The following GABRB1 variants were observed in gnomAD, a reference collection of about 807,000 sequenced individuals.
GABRB1 encodes gamma-aminobutyric acid receptor subunit beta-1.
A neutral mutation model predicts 51.6 loss-of-function variants in GABRB1; 17 were observed. The ratio of observed to expected loss-of-function variants is 0.33; its 90% CI spans 0.23 to 0.49. The LOEUF is 0.49. GABRB1 is among the 20% of genes least tolerant of loss of function. The pLI, the probability that GABRB1 is intolerant of heterozygous loss-of-function variation, is 0.99. For synonymous variants in GABRB1, 247 were observed against 218.9 expected (o/e 1.13, Z -1.14); for missense variants, 410 against 600.6 (o/e 0.68, Z 3.32).
intron 4 of GABRB1, among the ~76,000 whole-genome samples, chr4:47,234,295 C>T (rs974798874): frequency 1.2e-4 from 18 of 152,108 alleles, no homozygotes; most frequent in African/African-American, 3.4e-4. Flanking sequence ...CGAGACCAGT[C>T]TGACTAACAT....
chr4:47,358,218 A>T (rs576280697), intron 5 of GABRB1, among the ~76,000 whole-genome samples: 5 of 152,208 alleles, frequency 3.3e-5, no homozygotes, highest in African/African-American at 1.2e-4. Context: ...ACGTTTTAGG[A>T]TGTAAATGTC....
At chr4:47,051,769 CG>C (rs1726358120) in intron 3 of GABRB1, among the ~76,000 whole-genome samples, 1 of 152,110 alleles carries the variant, frequency 6.6e-6, no homozygotes, top group South Asian at 2.1e-4. Flanking sequence ...TAATAGTAGA[CG>C]GTAAAGGCTT....
intron 1 of GABRB1, among the ~76,000 whole-genome samples, chr4:47,024,933 C>CATATATATAGATATATATATATATATAT (rs1725040192): frequency 1.2e-5 from 1 of 86,200 alleles, no homozygotes; most frequent in Non-Finnish European, 2.3e-5. Flanking sequence ...AGTATTCCAT[C>CATATATATAGATATATATATATATATAT]ATATATATAT....
chr4:47,360,165 G>A (rs1008579749), intron 5 of GABRB1, among the ~76,000 whole-genome samples: 4 of 151,704 alleles, frequency 2.6e-5, no homozygotes, highest in South Asian at 2.1e-4. Context: ...TCGAGAATCC[G>A]TTTATTATTC....
At chr4:47,301,503 G>A (rs1435658830) in intron 4 of GABRB1, among the ~76,000 whole-genome samples, 1 of 151,834 alleles carries the variant, frequency 6.6e-6, no homozygotes, top group Non-Finnish European at 1.5e-5. Context: ...GCATGGTGGT[G>A]CGTGCCTGTA....
At chr4:47,124,170 A>C (rs1323683239) in intron 3 of GABRB1, among the ~76,000 whole-genome samples, 1 of 151,330 alleles carries the variant, frequency 6.6e-6, no homozygotes, top group Non-Finnish European at 1.5e-5. Context: ...AAAAGTTAAA[A>C]ATTTATGAGA....
chr4:47,394,423 T>C (rs1292158725), intron 5 of GABRB1, among the ~76,000 whole-genome samples: 4 of 152,078 alleles, frequency 2.6e-5, no homozygotes, highest in South Asian at 2.1e-4. Flanking sequence ...AGCAAAACCA[T>C]GTGCAGTCTA....
chr4:47,028,739 T>A (rs1479356217), upstream of GABRB1, among the ~76,000 whole-genome samples: 2 of 150,346 alleles, frequency 1.3e-5, no homozygotes, highest in African/African-American at 4.9e-5. Flanking sequence ...TATATATACA[T>A]ACACACACAA....
At chr4:47,185,523 A>G (rs1044278607) in intron 4 of GABRB1, among the ~76,000 whole-genome samples, 3 of 151,752 alleles carry the variant, frequency 2.0e-5, no homozygotes, top group East Asian at 1.9e-4. Context: ...TTCCTGACAT[A>G]TGATATATAG....
chr4:47,292,063 C>T (rs1274083852), intron 4 of GABRB1, among the ~76,000 whole-genome samples: 5 of 152,162 alleles, frequency 3.3e-5, no homozygotes, highest in African/African-American at 1.2e-4. Context: ...AGCCAAATCT[C>T]ATCTTGAATT....
intron 3 of GABRB1, among the ~76,000 whole-genome samples, chr4:47,048,088 G>A (rs1256203116): frequency 1.3e-5 from 2 of 151,970 alleles, no homozygotes; most frequent in African/African-American, 4.8e-5. Context: ...CTTTCCTGAT[G>A]GAAAATTTTG....
intron 4 of GABRB1, among the ~76,000 whole-genome samples, chr4:47,289,214 C>T (rs1723633360): frequency 6.6e-6 from 1 of 152,124 alleles, no homozygotes; most frequent in African/African-American, 2.4e-5. Context: ...TGAGTGAAAA[C>T]TAAAGGAATG....
chr4:47,170,757 C>A (rs1251211749), intron 4 of GABRB1, among the ~76,000 whole-genome samples: 2 of 152,118 alleles, frequency 1.3e-5, no homozygotes, highest in African/African-American at 4.8e-5. Context: ...AGAGAAACAG[C>A]AGACCGTACA....
intron 4 of GABRB1, among the ~76,000 whole-genome samples, chr4:47,291,304 C>A (rs1723721752): frequency 6.6e-6 from 1 of 152,202 alleles, no homozygotes; most frequent in Non-Finnish European, 1.5e-5. Context: ...GGTATGGGAA[C>A]CTCTGCCTAG....
At chr4:47,245,479 T>C (rs569630295) in intron 4 of GABRB1, among the ~76,000 whole-genome samples, 3 of 152,206 alleles carry the variant, frequency 2.0e-5, no homozygotes, top group South Asian at 2.1e-4. Flanking sequence ...TTTTAGGGAC[T>C]CTTGATGTTA....
chr4:47,036,467 A>G (rs981253797), intron 3 of GABRB1, among the ~76,000 whole-genome samples: 1 of 152,114 alleles, frequency 6.6e-6, no homozygotes, highest in African/African-American at 2.4e-5. Flanking sequence ...GAGGTGTGGG[A>G]TGGGGCCTGA....
At position 47,236,949 on chromosome 4, in the gene GABRB1, A is replaced by G. The variant is rs960519880; in HGVS notation, c.461+75480A>G. On this transcript the variant is annotated intron_variant, in intron 4 of 8. Coordinates refer to ENST00000295454, the MANE Select transcript of GABRB1 (RefSeq NM_000812.4). Reference sequence around the variant, plus strand: ...AAAAGCGGACGTAAGAAATTTCAGAAAACAAAACATATAAAAGGTACAAGT... The same window carrying G: ...AAAAGCGGACGTAAGAAATTTCAGAGAACAAAACATATAAAAGGTACAAGT... Among the ~76,000 whole-genome samples the G allele has an allele frequency of 2.0e-5, 3 of 152,176 alleles. No homozygotes were observed. The East Asian group carries it at 5.8e-4, about 29-fold the overall frequency.
Position 47,255,721 on chromosome 4 carries a change from T to A in GABRB1, c.462-64406T>A, listed in dbSNP as rs186194727. 9.2e-5 allele frequency among the ~76,000 whole-genome samples: 14 copies of A among 152,348 alleles called. No individual in the cohort carries two copies. In the East Asian group the frequency reaches 2.7e-3, roughly 29 times the overall value. ...TAAAACACAGATTGCTGGGCCTCTT[T>A]CAGGGAGATTCTGATTAACAATGTT... is the stretch of plus-strand genomic sequence containing the variant. On this transcript the variant is annotated intron_variant, in intron 4 of 8. Transcript: ENST00000295454.
At chr4:47,037,218 T>C (rs903046567) in intron 3 of GABRB1, among the ~76,000 whole-genome samples, 3 of 152,186 alleles carry the variant, frequency 2.0e-5, no homozygotes, top group Non-Finnish European at 2.9e-5. Context: ...ATAAAGAACA[T>C]TGCAAACTGT....
Sources: gnomAD v4.1 joint callset for allele counts (sites outside exome capture counted in the v4.1 genomes callset) on GRCh38, gnomAD v4.1.1 for gene constraint, MANE v1.5 for transcripts, NCBI Gene and HGNC (gene_info 2026-07-23, HGNC 2026-07-21) for gene names.